The following ESR1 variants were observed in gnomAD, a reference collection of about 807,000 sequenced individuals.
ESR1 encodes estrogen receptor 1.
Under a neutral mutation model 52.7 loss-of-function variants are expected in ESR1, and 12 were observed. The observed-to-expected ratio is 0.23, with a 90% CI of 0.15 to 0.37. The LOEUF is 0.37. ESR1 is among the 10% of genes least tolerant of loss of function. The probability of loss-of-function intolerance (pLI) is 1.00; values close to 1 mark genes in which losing one functional copy is unlikely to be tolerated. For missense variants in ESR1, 584 were observed against 779.7 expected (o/e 0.75, Z 2.99); for synonymous variants, 305 against 316.8 (o/e 0.96, Z 0.39).
intron 1 of ESR1, among the ~76,000 whole-genome samples, chr6:151,813,032 C>T (rs1779061235): frequency 6.6e-6 from 1 of 151,652 alleles, no homozygotes; most frequent in Non-Finnish European, 1.5e-5. Context: ...TCATACTGAT[C>T]TCTGAAATCC....
At chr6:152,071,922 T>A (rs2048381480) in intron 6 of ESR1, among the ~76,000 whole-genome samples, 1 of 152,238 alleles carries the variant, frequency 6.6e-6, no homozygotes, top group Non-Finnish European at 1.5e-5. Context: ...TTAAGGCTCT[T>A]GCTACATATT....
chr6:152,011,216 T>A (rs2042738967), intron 4 of ESR1, among the ~76,000 whole-genome samples: 1 of 152,130 alleles, frequency 6.6e-6, no homozygotes, highest in Non-Finnish European at 1.5e-5. Context: ...AATAAAAATT[T>A]AGTGACTTTC....
intron 3 of ESR1, among the ~76,000 whole-genome samples, chr6:151,899,666 C>T (rs1475237647): frequency 6.6e-6 from 1 of 150,984 alleles, no homozygotes; most frequent in Middle Eastern, 3.3e-3. Context: ...CTGAGGGGCT[C>T]CTCACTTCTC....
intron 2 of ESR1, among the ~76,000 whole-genome samples, chr6:151,792,452 T>A (rs1210674834): frequency 6.6e-6 from 1 of 152,202 alleles, no homozygotes; most frequent in Non-Finnish European, 1.5e-5. Flanking sequence ...CTTTAATTTT[T>A]TTTTAGAGAT....
intron 2 of ESR1, among the ~76,000 whole-genome samples, chr6:151,867,323 C>T (rs762121248): frequency 6.6e-6 from 1 of 151,930 alleles, no homozygotes; most frequent in African/African-American, 2.4e-5. Context: ...TCAGAGTGAA[C>T]AGGCAACCTA....
chr6:152,061,072 T>A lies in ESR1; in HGVS notation c.1317T>A (p.Asn439Lys). 6.2e-7 allele frequency: 1 copy of A among 1,613,848 alleles called. No homozygotes were observed. Among genetic ancestry groups the A allele is most frequent in the Non-Finnish European group, 8.5e-7 (1 of 1,179,806 alleles). The change falls in exon 6 of 8, where the codon AAT (asparagine) becomes AAA (lysine). Residue 439 changes from asparagine to lysine, a missense_variant. Transcript: ENST00000206249. The surrounding 1 kb of genome is among the most constrained non-coding windows in gnomAD (Gnocchi z 4.3). ...CATCATCTCGGTTCCGCATGATGAA[T>A]CTGCAGGGAGAGGAGTTTGTGTGCC... Reference protein sequence around the residue: ...LATSSRFRMMNLQGEEFVCLK... With the variant: ...LATSSRFRMMKLQGEEFVCLK...
chr6:151,985,367 G>A (rs971117739), intron 4 of ESR1, among the ~76,000 whole-genome samples: 2 of 151,732 alleles, frequency 1.3e-5, no homozygotes, highest in Non-Finnish European at 2.9e-5. Flanking sequence ...AATTAGCTGG[G>A]CATGGTGGCA....
At position 151,726,939 on chromosome 6, in the gene ESR1, C is replaced by G. The variant is rs182415238; in HGVS notation, c.-71+24934C>G. On this transcript the variant is annotated intron_variant, in intron 2 of 2. Coordinates refer to the ESR1 transcript ENST00000404742. The stretch of plus-strand genomic sequence containing the variant: ...TGGGCATTCTTTTCTCACTCCTGAT[C>G]GCAGGGCAGCATTTAACTTTTCACC... Among the ~76,000 whole-genome samples, 360 of 152,150 alleles carry G rather than the reference C, an allele frequency of 2.4e-3. 2 individuals carry two copies. Among genetic ancestry groups the G allele is most frequent in the African/African-American group, 8.2e-3 (340 of 41,506 alleles).
chr6:151,723,485 CTT>C (rs1219414275), intron 2 of ESR1, among the ~76,000 whole-genome samples: 2 of 152,190 alleles, frequency 1.3e-5, no homozygotes, highest in Admixed American at 1.3e-4. Context: ...ATTTACCCCT[CTT>C]TACTAAATGG....
At chr6:151,831,394 C>A (rs1029796992) in intron 1 of ESR1, among the ~76,000 whole-genome samples, 1 of 152,126 alleles carries the variant, frequency 6.6e-6, no homozygotes, top group African/African-American at 2.4e-5. Flanking sequence ...CCCACCGCAG[C>A]CTTCCAGAGC....
At chr6:151,785,755 A>C (rs1248939546) in intron 2 of ESR1, among the ~76,000 whole-genome samples, 2 of 152,166 alleles carry the variant, frequency 1.3e-5, no homozygotes, top group African/African-American at 4.8e-5. Flanking sequence ...CATCTGTACA[A>C]AAAGAGGTGA....
chr6:151,886,703 C>A (rs897351302), intron 3 of ESR1, among the ~76,000 whole-genome samples: 1 of 152,108 alleles, frequency 6.6e-6, no homozygotes. Flanking sequence ...CTGGGGACTG[C>A]GATTGGAATC....
chr6:151,720,752 G>T (rs1353670086), intron 2 of ESR1, among the ~76,000 whole-genome samples: 1 of 152,070 alleles, frequency 6.6e-6, no homozygotes, highest in Non-Finnish European at 1.5e-5. Context: ...TCATTTTTTG[G>T]AATAAAACAC....
chr6:151,788,019 T>C (rs1202914590), intron 2 of ESR1, among the ~76,000 whole-genome samples: 1 of 152,164 alleles, frequency 6.6e-6, no homozygotes, highest in Non-Finnish European at 1.5e-5. Flanking sequence ...GGAAGACTAC[T>C]GAGGCAATAC....
intron 5 of ESR1, among the ~76,000 whole-genome samples, chr6:152,012,056 T>A (rs914336016): frequency 2.9e-4 from 37 of 129,128 alleles, no homozygotes; most frequent in East Asian, 9.8e-4. Context: ...ACTCACACTC[T>A]CTCTCTCTCT....
At chr6:151,754,167 A>G (rs1020266901) in intron 2 of ESR1, among the ~76,000 whole-genome samples, 1 of 152,224 alleles carries the variant, frequency 6.6e-6, no homozygotes, top group Non-Finnish European at 1.5e-5. Context: ...ATAATTTGGA[A>G]AAGAAGCAAA....
At chr6:151,670,122 G>A (rs1307265837) in intron 1 of ESR1, among the ~76,000 whole-genome samples, 2 of 152,072 alleles carry the variant, frequency 1.3e-5, no homozygotes, top group African/African-American at 2.4e-5. Context: ...ATTCTCCCCC[G>A]CTGCCATTTG....
chr6:151,896,723 C>T (rs1348964902), intron 3 of ESR1, among the ~76,000 whole-genome samples: 1 of 151,118 alleles, frequency 6.6e-6, no homozygotes, highest in Non-Finnish European at 1.5e-5. Context: ...CTTCTGCTGG[C>T]TTTGGGTTTC....
At chr6:151,674,934 A>G (rs1006639221) in intron 1 of ESR1, among the ~76,000 whole-genome samples, 3 of 152,260 alleles carry the variant, frequency 2.0e-5, no homozygotes, top group Non-Finnish European at 4.4e-5. Flanking sequence ...ATGTTTTCAA[A>G]AGGTGAAAAA....
Sources: gnomAD v4.1 joint callset for allele counts (sites outside exome capture counted in the v4.1 genomes callset) on GRCh38, gnomAD v4.1.1 for gene constraint, Gnocchi (gnomAD v3.1) non-coding constraint, MANE v1.5 for transcripts, NCBI Gene and HGNC (gene_info 2026-07-23, HGNC 2026-07-21) for gene names.